Variants in RALA observed in about 807,000 individuals in gnomAD.
RALA encodes the protein RAS like proto-oncogene A.
RALA carries 5 observed loss-of-function variants against 24.0 expected under a neutral mutation model. The ratio of observed to expected loss-of-function variants is 0.21; its 90% confidence interval spans 0.11 to 0.44. The LOEUF (loss-of-function observed/expected upper bound fraction) is 0.44. RALA is among the 20% of genes least tolerant of loss of function. RALA has a pLI of 0.99. For missense variants in RALA, 95 were observed against 241.2 expected, an observed-to-expected ratio of 0.39 and a Z score of 4.01; for synonymous variants, 77 against 83.8, an observed-to-expected ratio of 0.92 and a Z score of 0.44.
chr7:39,666,910 T>C (rs143111335), intron 1 of RALA, among the ~76,000 whole-genome samples: 87 of 152,322 alleles, frequency 5.7e-4, no homozygotes, highest in East Asian at 9.6e-4. Flanking sequence ...CATCTTCTTA[T>C]AAATTTTGAG....
At chr7:39,686,541 T>C in intron 1 of RALA, 90 bp from the exon 2 acceptor site, 3 of 678,676 alleles carry the variant, frequency 4.4e-6, no homozygotes, top group Non-Finnish European at 7.6e-6. Context: ...TGAAAACTAG[T>C]ATATTGAACT....
chr7:39,693,053 C>T (rs566707354), intron 3 of RALA, among the ~76,000 whole-genome samples: 10 of 152,260 alleles, frequency 6.6e-5, no homozygotes, highest in South Asian at 6.2e-4. Flanking sequence ...TTTGACCCAG[C>T]GATCCCATTA....
At chr7:39,640,939 C>G (rs1791803653) in intron 1 of RALA, among the ~76,000 whole-genome samples, 1 of 152,190 alleles carries the variant, frequency 6.6e-6, no homozygotes, top group Admixed American at 6.5e-5. Flanking sequence ...CTGGCAGATT[C>G]TCTTCATGTG....
At chr7:39,674,792 A>T (rs1792450760) in intron 1 of RALA, among the ~76,000 whole-genome samples, 1 of 147,766 alleles carries the variant, frequency 6.8e-6, no homozygotes. Flanking sequence ...CACTTTATAC[A>T]TATAGCAGCC....
chr7:39,697,810 A>G (rs1021719885), intron 4 of RALA, among the ~76,000 whole-genome samples: 1 of 152,200 alleles, frequency 6.6e-6, no homozygotes. Flanking sequence ...AGGTCTTAAG[A>G]CAGTGTCGTT....
chr7:39,696,619 G>A (rs1253646089), intron 3 of RALA, 66 bp from the exon 4 acceptor site: 5 of 1,324,324 alleles, frequency 3.8e-6, no homozygotes, highest in Non-Finnish European at 5.2e-6. Flanking sequence ...TAGGTATGGG[G>A]CAAACAAGAA....
rs79224745 is a variant in RALA at position 39,700,344 on chromosome 7, C to T, written c.498+3485C>T. 5 of 152,326 alleles carry T rather than the reference C, an allele frequency of 3.3e-5. No homozygotes were observed. In the East Asian group the frequency reaches 9.7e-4, roughly 29 times the overall value. The allele number at this position is 152,326 out of a possible 1,614,324, so 9.4% of individuals were successfully genotyped here. On this transcript the variant is annotated intron_variant, in intron 4 of 4. Transcript: ENST00000005257. ...AGTCTAGGCACTGGAAATACCTAAACTTAGGTTCTGAAGGCTTGTTCGCAC... is the reference window on the plus strand; with the variant it reads ...AGTCTAGGCACTGGAAATACCTAAATTTAGGTTCTGAAGGCTTGTTCGCAC...
chr7:39,694,464 C>A (rs561415885), intron 3 of RALA, among the ~76,000 whole-genome samples: 2 of 152,254 alleles, frequency 1.3e-5, no homozygotes, highest in Admixed American at 1.3e-4. Flanking sequence ...CCTGGTTCTA[C>A]TTAAGTGTGT....
intron 4 of RALA, among the ~76,000 whole-genome samples, chr7:39,697,981 G>A (rs1229148106): frequency 2.3e-5 from 3 of 132,456 alleles, no homozygotes; most frequent in African/African-American, 8.1e-5. Flanking sequence ...GTGTATGTGT[G>A]TGTATGTGTG....
intron 1 of RALA, among the ~76,000 whole-genome samples, chr7:39,651,227 T>G (rs886067713): frequency 6.6e-6 from 1 of 152,246 alleles, no homozygotes; most frequent in African/African-American, 2.4e-5. Flanking sequence ...CTGAGCATGT[T>G]CAGGGTAGGC....
At chr7:39,696,196 T>G (rs927404439) in intron 3 of RALA, among the ~76,000 whole-genome samples, 1 of 152,222 alleles carries the variant, frequency 6.6e-6, no homozygotes, top group African/African-American at 2.4e-5. Context: ...CTGGCACATT[T>G]GGGTTTTGAA....
intron 3 of RALA, among the ~76,000 whole-genome samples, chr7:39,694,182 A>G (rs1447510687): frequency 3.9e-5 from 6 of 152,244 alleles, no homozygotes; most frequent in Admixed American, 3.9e-4. Context: ...ATGTCTTATG[A>G]TATGGCACCA....
chr7:39,640,569 T>C (rs1277672326), intron 1 of RALA, among the ~76,000 whole-genome samples: 3 of 152,230 alleles, frequency 2.0e-5, no homozygotes, highest in African/African-American at 7.2e-5. Context: ...TGGCAGATAT[T>C]TTCTCTCAGA....
chr7:39,681,477 C>G (rs921110154), intron 1 of RALA, among the ~76,000 whole-genome samples: 2 of 151,830 alleles, frequency 1.3e-5, no homozygotes, highest in African/African-American at 4.8e-5. Flanking sequence ...CACTACCCAC[C>G]CCATTCTTAC....
In RALA at chr7:39,703,966, G is replaced by C. The variant is rs541944548; in HGVS notation, c.499-2157G>C. Among the ~76,000 whole-genome samples the C allele has an allele frequency of 1.4e-4, 21 of 152,132 alleles. No individual in the cohort carries two copies. In the East Asian group the frequency reaches 4.1e-3, roughly 30 times the overall value. ...AGATCACCTGAGGTCAGGAGTTCGA[G>C]ACCAGCCTGGCCAACATGGCAAAAC... On this transcript the variant is annotated intron_variant, in intron 4 of 4. Transcript: ENST00000005257.
intron 1 of RALA, among the ~76,000 whole-genome samples, chr7:39,674,231 C>T (rs1364685003): frequency 3.9e-5 from 6 of 151,988 alleles, no homozygotes; most frequent in South Asian, 2.1e-4. Context: ...AGATTAGAGC[C>T]GCTGTACTGG....
intron 1 of RALA, among the ~76,000 whole-genome samples, chr7:39,659,572 C>T (rs1432458060): frequency 2.6e-5 from 4 of 152,096 alleles, no homozygotes; most frequent in African/African-American, 2.4e-5. Context: ...CTACATGATT[C>T]GTAATTTTAT....
At chr7:39,687,295 C>T (rs996775721) in intron 2 of RALA, among the ~76,000 whole-genome samples, 8 of 152,034 alleles carry the variant, frequency 5.3e-5, no homozygotes, top group South Asian at 4.2e-4. Flanking sequence ...GGCATGGTGG[C>T]GGGTGCCTGT....
chr7:39,705,472 G>T (rs933363713), intron 4 of RALA, among the ~76,000 whole-genome samples: 1 of 152,094 alleles, frequency 6.6e-6, no homozygotes, highest in African/African-American at 2.4e-5. Context: ...CAGAACAGAG[G>T]AATTTCTTAT....
Sources: gnomAD v4.1 joint callset for allele counts (sites outside exome capture counted in the v4.1 genomes callset) on GRCh38, gnomAD v4.1.1 for gene constraint, MANE v1.5 for transcripts, NCBI Gene and HGNC (gene_info 2026-07-23, HGNC 2026-07-21) for gene names.